Variants in NUDCD1 observed in about 807,000 individuals in gnomAD.
NUDCD1 encodes nudC domain-containing protein 1.
In NUDCD1, 60 loss-of-function variants were observed where a neutral mutation model predicts 67.8. The ratio of observed to expected loss-of-function variants is 0.88; its 90% CI spans 0.72 to 1.10. NUDCD1 has a LOEUF of 1.10. Ranked by LOEUF, NUDCD1 falls within the 50% of genes least tolerant of loss-of-function variation. The probability of loss-of-function intolerance (pLI) is 0.00; values close to 1 mark genes in which losing one functional copy is unlikely to be tolerated. For missense variants in NUDCD1, 643 were observed against 695.0 expected (o/e 0.93, Z 0.84); for synonymous variants, 244 against 230.8 (o/e 1.06, Z -0.52).
At chr8:109,269,751 T>C (rs1196923873) in intron 8 of NUDCD1, among the ~76,000 whole-genome samples, 4 of 152,022 alleles carry the variant, frequency 2.6e-5, no homozygotes, top group South Asian at 2.1e-4. Flanking sequence ...TTGCTTTTGC[T>C]TGGAATGAGT....
chr8:109,326,550 C>T (rs1177855446), intron 1 of NUDCD1, among the ~76,000 whole-genome samples: 1 of 151,964 alleles, frequency 6.6e-6, no homozygotes, highest in East Asian at 1.9e-4. Context: ...AGAAGAAGAA[C>T]TTTTTACAGA....
intron 8 of NUDCD1, among the ~76,000 whole-genome samples, chr8:109,248,505 T>C (rs892091397): frequency 6.6e-6 from 1 of 152,214 alleles, no homozygotes; most frequent in African/African-American, 2.4e-5. Context: ...AATCTATCTT[T>C]AGATTTGGGA....
chr8:109,290,131 G>A (rs543943710), intron 4 of NUDCD1, among the ~76,000 whole-genome samples, 198 bp from the exon 5 acceptor site: 1 of 151,962 alleles, frequency 6.6e-6, no homozygotes, highest in African/African-American at 2.4e-5. Flanking sequence ...TTAAAATATT[G>A]GGTCTGGTGA....
chr8:109,243,361 G>T (rs1377136381), intron 9 of NUDCD1, 60 bp from the exon 10 acceptor site: 18 of 1,336,540 alleles, frequency 1.3e-5, no homozygotes, highest in Non-Finnish European at 1.6e-5. Flanking sequence ...GGGGAAAAAT[G>T]ATGATTTAAC....
At chr8:109,268,159 G>A (rs941497147) in intron 8 of NUDCD1, among the ~76,000 whole-genome samples, 1 of 152,042 alleles carries the variant, frequency 6.6e-6, no homozygotes, top group African/African-American at 2.4e-5. Flanking sequence ...TTCCATCTAC[G>A]ACACTGAGAA....
chr8:109,297,091 G>A (rs1371865549), intron 2 of NUDCD1, among the ~76,000 whole-genome samples: 1 of 152,194 alleles, frequency 6.6e-6, no homozygotes, highest in African/African-American at 2.4e-5. Context: ...GTGTGATATG[G>A]TAAGTGGTTA....
At chr8:109,277,498 A>C (rs917804572) in intron 6 of NUDCD1, among the ~76,000 whole-genome samples, 2 of 152,140 alleles carry the variant, frequency 1.3e-5, no homozygotes, top group African/African-American at 4.8e-5. Context: ...CAAATATAAT[A>C]AACTACAGAT....
chr8:109,265,495 G>A (rs1813973612), intron 8 of NUDCD1, among the ~76,000 whole-genome samples: 1 of 152,104 alleles, frequency 6.6e-6, no homozygotes, highest in South Asian at 2.1e-4. Context: ...TACAGCACTT[G>A]CCTTTCCTAC....
At chr8:109,291,360 G>C in intron 4 of NUDCD1, among the ~76,000 whole-genome samples, 1 of 152,108 alleles carries the variant, frequency 6.6e-6, no homozygotes, top group East Asian at 1.9e-4. Flanking sequence ...GCCCAGACTG[G>C]TCTCAAACTC....
At chr8:109,272,296 A>G (rs1425265030) in intron 7 of NUDCD1, among the ~76,000 whole-genome samples, 6 of 152,196 alleles carry the variant, frequency 3.9e-5, no homozygotes, top group African/African-American at 1.2e-4. Context: ...AATTTCTTAA[A>G]TTATAGATGA....
chr8:109,333,902 G>C lies in NUDCD1; in HGVS notation c.109C>G (p.Leu37Val). The change falls in exon 1 of 10, where the codon CTT (leucine) becomes GTT (valine). Residue 37 changes from leucine to valine, a missense_variant. Physicochemically the swap from Leu to Val is conservative, Grantham distance 32 (BLOSUM62 1). Coordinates refer to ENST00000239690, the MANE Select transcript of NUDCD1 (RefSeq NM_032869.4). ...LEPLPCYQLE[L>V]DAAVAEVKLR... is the part of the protein sequence containing the mutation. ...CGCCGCCGCTTCCCACCTGCGTCAA[G>C]CTCCAGCTGGTAACAAGGCAGCGGC... The C allele has an allele frequency of 6.2e-7, 1 of 1,614,160 alleles. No individual in the cohort carries two copies. The highest frequency in any genetic ancestry group is 1.7e-5 in the Admixed American group (1 of 60,036).
intron 6 of NUDCD1, among the ~76,000 whole-genome samples, chr8:109,278,104 C>T (rs1392370914): frequency 6.6e-6 from 1 of 152,092 alleles, no homozygotes; most frequent in African/African-American, 2.4e-5. Flanking sequence ...CTAAGTTATC[C>T]TCTATGTAAC....
At chr8:109,328,409 G>A (rs1306397940) in intron 1 of NUDCD1, among the ~76,000 whole-genome samples, 1 of 152,154 alleles carries the variant, frequency 6.6e-6, no homozygotes, top group Non-Finnish European at 1.5e-5. Flanking sequence ...TCTGTCATTA[G>A]ACAGAGTAGC....
At chr8:109,288,546 T>C (rs1219676333) in intron 5 of NUDCD1, among the ~76,000 whole-genome samples, 1 of 152,172 alleles carries the variant, frequency 6.6e-6, no homozygotes, top group Admixed American at 6.6e-5. Context: ...AGAAAAGGCC[T>C]ACTAAGCACA....
At chr8:109,286,764 A>C (rs970156258) in intron 5 of NUDCD1, among the ~76,000 whole-genome samples, 5 of 152,132 alleles carry the variant, frequency 3.3e-5, no homozygotes, top group African/African-American at 7.2e-5. Context: ...TCAACAACAA[A>C]AAAATTGACA....
intron 6 of NUDCD1, among the ~76,000 whole-genome samples, chr8:109,276,699 C>G (rs904784446): frequency 3.3e-5 from 5 of 152,152 alleles, no homozygotes; most frequent in African/African-American, 1.2e-4. Context: ...CTCTCTTGCC[C>G]AGGCTGCAGT....
intron 2 of NUDCD1, among the ~76,000 whole-genome samples, chr8:109,311,559 G>GTATATATA (rs1554617136): frequency 2.4e-5 from 3 of 125,114 alleles, no homozygotes; most frequent in Admixed American, 7.5e-5. Flanking sequence ...AAACTGTGGT[G>GTATATATA]TATATATATA....
intron 8 of NUDCD1, among the ~76,000 whole-genome samples, chr8:109,263,797 T>C (rs947445521): frequency 3.9e-5 from 6 of 152,142 alleles, no homozygotes; most frequent in Non-Finnish European, 8.8e-5. Flanking sequence ...AGGATGTAAA[T>C]TGCTTTCTCC....
At chr8:109,328,468 T>G (rs1321059125) in intron 1 of NUDCD1, among the ~76,000 whole-genome samples, 2 of 152,096 alleles carry the variant, frequency 1.3e-5, no homozygotes, top group Admixed American at 6.6e-5. Flanking sequence ...AGAGTCTGCC[T>G]CAAGTACTCA....
Sources: allele counts gnomAD v4.1 joint callset (sites outside exome capture counted in the v4.1 genomes callset), GRCh38; gene constraint gnomAD v4.1.1; transcripts MANE v1.5; gene names NCBI Gene and HGNC (gene_info 2026-07-23, HGNC 2026-07-21).